The following SBNO1 variants were observed in gnomAD, a reference collection of about 807,000 sequenced individuals.
SBNO1 encodes the protein protein strawberry notch homolog 1.
SBNO1 carries 23 observed loss-of-function variants against 173.6 expected under a neutral mutation model. That is an observed-to-expected ratio of 0.13 (90% CI 0.10 to 0.19). SBNO1 has a LOEUF of 0.19. SBNO1 is among the 10% of genes least tolerant of loss of function. SBNO1 has a pLI of 1.00. For synonymous variants in SBNO1, 632 were observed against 571.5 expected (o/e 1.11, Z -1.51); for missense variants, 1,238 against 1,671.2 (o/e 0.74, Z 4.52).
Position 123,295,815 on chromosome 12 carries a change from T to A in SBNO1, c.*93A>T, listed in dbSNP as rs945021692. On this transcript the variant is annotated 3_prime_UTR_variant, in exon 32 of 32. Coordinates refer to ENST00000602398, the MANE Select transcript of SBNO1 (RefSeq NM_001167856.3). ...AACTAGAGAGCACAACTGAAAAAAA[T>A]ATATAATTCTTTGGAAACTGTCCCT... 1 of 1,505,610 alleles carries A rather than the reference T, an allele frequency of 6.6e-7. No individual in the cohort carries two copies. Among genetic ancestry groups the A allele is most frequent in the Non-Finnish European group, 8.9e-7 (1 of 1,119,094 alleles). 93.3% of individuals were successfully genotyped at this position (1,505,610 alleles called of 1,614,324 possible).
At position 123,320,082 on chromosome 12, in the gene SBNO1, T is replaced by C. The variant is rs371863242; in HGVS notation, c.2668-51A>G. 22 of 1,600,910 alleles carry C rather than the reference T, an allele frequency of 1.4e-5. 1 individual carries two copies. In the Admixed American group the frequency reaches 3.5e-4, roughly 26 times the overall value. On this transcript the variant is annotated intron_variant, in intron 19 of 31. Coordinates refer to ENST00000602398, the MANE Select transcript of SBNO1 (RefSeq NM_001167856.3). ...AATGAAGGTATCTGACTGCGGTGGA[T>C]GGACTCAGTGCCTCTTTCCTTGAAG...
rs1436536521 is a variant in SBNO1, at chr12:123,350,765, C to T, written c.1-324G>A. On this transcript the variant is annotated intron_variant, in intron 1 of 31. Transcript: ENST00000602398. The stretch of plus-strand genomic sequence containing the variant: ...ACAATGCAGCAGAGCATCAGGGAAT[C>T]ATCAGGTGGACAAGGATCCTCTCGA... Among the ~76,000 whole-genome samples the T allele has an allele frequency of 2.6e-5, 4 of 152,204 alleles. No homozygotes were observed. In the East Asian group the frequency reaches 7.7e-4, roughly 29 times the overall value.
intron 13 of SBNO1, among the ~76,000 whole-genome samples, chr12:123,326,637 T>C (rs1412193673): frequency 3.3e-5 from 5 of 152,108 alleles, no homozygotes; most frequent in African/African-American, 4.8e-5. Context: ...TATAAGAACA[T>C]TGGTTAGGCC....
chr12:123,304,277 C>T (rs915725890), intron 29 of SBNO1, among the ~76,000 whole-genome samples: 18 of 152,130 alleles, frequency 1.2e-4, no homozygotes, highest in African/African-American at 3.6e-4. Context: ...GCTTGTTGCC[C>T]GGGCTGGAGA....
At chr12:123,339,783 T>C (rs1872310042) in intron 5 of SBNO1, among the ~76,000 whole-genome samples, 1 of 151,882 alleles carries the variant, frequency 6.6e-6, no homozygotes, top group Non-Finnish European at 1.5e-5. Flanking sequence ...CAAGACTCCA[T>C]CTCAAAAACA....
intron 12 of SBNO1, 39 bp from the exon 13 acceptor site, chr12:123,327,618 T>G (rs745834622): frequency 6.2e-7 from 1 of 1,601,976 alleles, no homozygotes; most frequent in South Asian, 1.1e-5. Flanking sequence ...ACCAATACAG[T>G]AGAATTTTAA....
At chr12:123,350,669 C>A (rs905230610) in intron 1 of SBNO1, among the ~76,000 whole-genome samples, 7 of 152,146 alleles carry the variant, frequency 4.6e-5, no homozygotes, top group African/African-American at 1.7e-4. Flanking sequence ...CACAAGTATG[C>A]ATCTACAAAA....
rs555084715 is a variant in SBNO1 at position 123,337,293 on chromosome 12, G to T, written c.652-802C>A. Among the ~76,000 whole-genome samples, 129 of 152,220 alleles carry T rather than the reference G, an allele frequency of 8.5e-4. 1 individual carries two copies. The highest frequency in any genetic ancestry group is 3.0e-3 in the African/African-American group (123 of 41,540). ...CTCTACAGGATCTTAAAGGAATAAAGGAAGATCCGGAATAAGCCACTTTTC... is the reference window on the plus strand; with the variant it reads ...CTCTACAGGATCTTAAAGGAATAAATGAAGATCCGGAATAAGCCACTTTTC... On this transcript the variant is annotated intron_variant, in intron 5 of 31. Transcript: ENST00000602398.
chr12:123,299,688 A>AAAAC (rs756659311), intron 30 of SBNO1, among the ~76,000 whole-genome samples: 6 of 150,618 alleles, frequency 4.0e-5, no homozygotes, highest in Non-Finnish European at 7.4e-5. Flanking sequence ...CTTCAAAAAA[A>AAAAC]AAAAAAAAAA....
chr12:123,321,101 G>A (rs1184806470), intron 17 of SBNO1, among the ~76,000 whole-genome samples: 2 of 152,070 alleles, frequency 1.3e-5, no homozygotes, highest in Non-Finnish European at 2.9e-5. Flanking sequence ...CACCACACCT[G>A]GCTAATTTTG....
At chr12:123,305,183 A>G (rs1433349063) in intron 28 of SBNO1, among the ~76,000 whole-genome samples, 2 of 152,228 alleles carry the variant, frequency 1.3e-5, no homozygotes, top group Non-Finnish European at 2.9e-5. Context: ...TAAAATGGAA[A>G]AAGAAATGTT....
rs1869860967 is a variant in SBNO1, at chr12:123,320,734, G to T, written c.2456C>A (p.Thr819Lys). 6.2e-7 allele frequency: 1 copy of T among 1,612,214 alleles called. No homozygotes were observed. The highest frequency in any genetic ancestry group is 8.5e-7 in the Non-Finnish European group (1 of 1,179,516). The part of the protein sequence containing the change: ...LGSKRPSFSS[T>K]PVISPAPNST... ...GTTAGGAGCAGGTGAGATAACTGGT[G>T]TAGATGAAAAACTAGGTCGTTTTGA... Residue 819 changes from threonine to lysine, a missense_variant, in exon 18 of 32, where the codon ACA becomes AAA. By Grantham distance (78) the Thr-to-Lys change is moderately conservative. Coordinates refer to ENST00000602398, the MANE Select transcript of SBNO1 (RefSeq NM_001167856.3).
chr12:123,351,364 A>C (rs1008038520), intron 1 of SBNO1, among the ~76,000 whole-genome samples: 3 of 152,156 alleles, frequency 2.0e-5, no homozygotes, highest in African/African-American at 4.8e-5. Flanking sequence ...AAGTCTGGGC[A>C]CTGTGGCTCA....
chr12:123,356,633 G>A (rs1874494521), intron 1 of SBNO1, among the ~76,000 whole-genome samples: 3 of 152,272 alleles, frequency 2.0e-5, no homozygotes, highest in East Asian at 1.9e-4. Context: ...TAGTAGACAC[G>A]GGGTTTTACC....
intron 21 of SBNO1, among the ~76,000 whole-genome samples, chr12:123,316,214 TAA>T (rs1217009073): frequency 3.3e-4 from 51 of 152,274 alleles, no homozygotes; most frequent in Admixed American, 1.2e-3. Context: ...AGATAAGATA[TAA>T]GACATTAAAC....
intron 13 of SBNO1, among the ~76,000 whole-genome samples, chr12:123,327,212 T>G (rs1870712829): frequency 6.6e-6 from 1 of 152,002 alleles, no homozygotes; most frequent in African/African-American, 2.4e-5. Flanking sequence ...GGTTTCAACA[T>G]GTAGGCCAGG....
At chr12:123,356,955 C>G (rs928565763) in intron 1 of SBNO1, among the ~76,000 whole-genome samples, 1 of 152,138 alleles carries the variant, frequency 6.6e-6, no homozygotes, top group Non-Finnish European at 1.5e-5. Context: ...ATTCGAGATT[C>G]AGCTTTATCT....
rs932772924 is a variant in SBNO1, at chr12:123,291,322, T to C, written c.*4586A>G. Reference sequence around the variant, plus strand: ...AAGAAATATGGTAAGGCCTGAAAAATTGCAAAAGTAGAAGCAAGTCAGGTT... The same window carrying C: ...AAGAAATATGGTAAGGCCTGAAAAACTGCAAAAGTAGAAGCAAGTCAGGTT... On this transcript the variant is annotated 3_prime_UTR_variant, in exon 32 of 32. Coordinates refer to ENST00000602398, the MANE Select transcript of SBNO1 (RefSeq NM_001167856.3). The C allele has an allele frequency of 5.3e-5, 8 of 152,060 alleles. No individual in the cohort carries two copies. Among genetic ancestry groups the C allele is most frequent in the Admixed American group, 1.3e-4 (2 of 15,258 alleles). 9.4% of individuals were successfully genotyped at this position (152,060 alleles called of 1,614,324 possible).
chr12:123,336,806 C>G (rs991755393), intron 5 of SBNO1, among the ~76,000 whole-genome samples: 3 of 152,190 alleles, frequency 2.0e-5, no homozygotes, highest in African/African-American at 7.2e-5. Context: ...GCCCAGAACT[C>G]TCTCTGCACT....
Sources: gnomAD v4.1 joint callset for allele counts (sites outside exome capture counted in the v4.1 genomes callset) on GRCh38, gnomAD v4.1.1 for gene constraint, MANE v1.5 for transcripts, NCBI Gene and HGNC (gene_info 2026-07-23, HGNC 2026-07-21) for gene names.